DNAH12: variants seen among roughly 807,000 people sequenced by gnomAD.
The protein encoded by DNAH12 is axonemal beta dynein heavy chain 12.
Under a neutral mutation model 371.5 loss-of-function variants are expected in DNAH12, and 285 were observed. The ratio of observed to expected loss-of-function variants is 0.77; its 90% CI spans 0.70 to 0.85. DNAH12 has a LOEUF of 0.85. DNAH12 is among the 40% of genes least tolerant of loss of function. The pLI is 0.00. For missense variants in DNAH12, 3,611 were observed against 3,689.4 expected (o/e 0.98, Z 0.55); for synonymous variants, 1,200 against 1,213.0 (o/e 0.99, Z 0.22).
chr3:57,412,713 G>T (rs528729437), intron 39 of DNAH12, among the ~76,000 whole-genome samples: 2 of 152,114 alleles, frequency 1.3e-5, no homozygotes, highest in African/African-American at 4.8e-5. Flanking sequence ...TGTCATCAGG[G>T]AAATGCAAAT....
chr3:57,295,779 G>A (rs2061221062), intron 72 of DNAH12, among the ~76,000 whole-genome samples, 187 bp from the exon 73 acceptor site: 1 of 152,164 alleles, frequency 6.6e-6, no homozygotes, highest in African/African-American at 2.4e-5. Flanking sequence ...ATGATGGAAA[G>A]GCAAAGGGTA....
At chr3:57,509,624 A>G (rs6445903) in intron 5 of DNAH12, among the ~76,000 whole-genome samples, 134,964 of 151,946 alleles carry the variant, frequency 0.89, 60,491 homozygotes, top group African/African-American at 0.96. Context: ...CACTTTGAGA[A>G]GCCAAGGAGG....
intron 16 of DNAH12, 81 bp downstream of exon 16, chr3:57,470,362 T>TA (rs2066331094): frequency 7.5e-7 from 1 of 1,328,792 alleles, no homozygotes; most frequent in Non-Finnish European, 9.9e-7. Context: ...TTTAAACACT[T>TA]AACCAAAAAA....
intron 57 of DNAH12, among the ~76,000 whole-genome samples, chr3:57,365,862 C>CATATATATAT (rs1277920997): frequency 1.1e-4 from 16 of 147,946 alleles, no homozygotes; most frequent in Admixed American, 3.4e-4. Flanking sequence ...TGTGTGTACA[C>CATATATATAT]ATATATATAT....
intron 55 of DNAH12, among the ~76,000 whole-genome samples, chr3:57,374,994 T>A (rs1449315987): frequency 1.3e-5 from 2 of 152,156 alleles, no homozygotes; most frequent in Admixed American, 1.3e-4. Flanking sequence ...AGATTTGGGT[T>A]ACACCAGTGT....
chr3:57,472,807 T>C (rs899521132), intron 13 of DNAH12, 136 bp from the exon 14 acceptor site: 1 of 915,018 alleles, frequency 1.1e-6, no homozygotes, highest in South Asian at 1.6e-5. Flanking sequence ...ATTTTATATA[T>C]CACCCAAACC....
Position 57,322,375 on chromosome 3 carries a change from C to G in DNAH12, c.10492G>C (p.Glu3498Gln). Reference sequence around the variant, plus strand: ...TTTCCACGGCATCCCTTGAAAAACTCAGGATCAGAAACTGGATCAGTGAGA... The same window carrying G: ...TTTCCACGGCATCCCTTGAAAAACTGAGGATCAGAAACTGGATCAGTGAGA... ...SYLTDPVSDPEFFKGCRGKEL... is the reference protein window; with the variant it reads ...SYLTDPVSDPQFFKGCRGKEL... The change falls in exon 65 of 74, where the codon GAG becomes CAG. Residue 3498 changes from glutamate (E) to glutamine (Q), a missense_variant. Coordinates refer to ENST00000495027, the MANE Select transcript of DNAH12 (RefSeq NM_001366028.2). The G allele has an allele frequency of 6.4e-7, 1 of 1,551,610 alleles. No individual in the cohort carries two copies. The highest frequency in any genetic ancestry group is 8.7e-7 in the Non-Finnish European group (1 of 1,146,926).
At chr3:57,302,037 G>T in intron 69 of DNAH12, 98 bp from the exon 70 acceptor site, 1 of 1,333,746 alleles carries the variant, frequency 7.5e-7, no homozygotes, top group Non-Finnish European at 1.0e-6. Context: ...CAGCTTTATG[G>T]GATTGCTTCC....
At chr3:57,537,045 T>G (rs1324032139) in intron 2 of DNAH12, among the ~76,000 whole-genome samples, 1 of 106,730 alleles carries the variant, frequency 9.4e-6, no homozygotes, top group Non-Finnish European at 2.2e-5. Flanking sequence ...AATACAAAAA[T>G]TAGCCAGGTG....
intron 66 of DNAH12, 85 bp from the exon 67 acceptor site, chr3:57,311,035 A>G: frequency 1.0e-6 from 1 of 953,458 alleles, no homozygotes; most frequent in Non-Finnish European, 1.6e-6. Context: ...TCTATCTAGA[A>G]AGGGGGTTGA....
chr3:57,380,544 G>A (rs934528657), intron 50 of DNAH12, among the ~76,000 whole-genome samples, 177 bp from the exon 51 acceptor site: 1 of 152,188 alleles, frequency 6.6e-6, no homozygotes, highest in Admixed American at 6.5e-5. Context: ...TGCAATATCG[G>A]CTCACTGCCT....
At chr3:57,500,545 T>A (rs748367038) in intron 11 of DNAH12, among the ~76,000 whole-genome samples, 10 of 152,160 alleles carry the variant, frequency 6.6e-5, no homozygotes, top group Non-Finnish European at 1.2e-4. Context: ...TCATTTATAT[T>A]CTCTGAACAC....
intron 60 of DNAH12, among the ~76,000 whole-genome samples, chr3:57,342,013 G>C (rs1317003180): frequency 4.6e-5 from 7 of 152,080 alleles, no homozygotes; most frequent in African/African-American, 1.7e-4. Context: ...CATTGATTGG[G>C]GAAGGACAGT....
At chr3:57,379,652 C>T (rs1358334321) in intron 51 of DNAH12, among the ~76,000 whole-genome samples, 4 of 151,714 alleles carry the variant, frequency 2.6e-5, no homozygotes, top group African/African-American at 4.8e-5. Context: ...GACAGCCTGG[C>T]CAATATGGTA....
chr3:57,435,373 C>CAAAAAAAAAAAAAAAAAAAAAAAAAAA (rs34515598), intron 30 of DNAH12, among the ~76,000 whole-genome samples: 2 of 94,742 alleles, frequency 2.1e-5, no homozygotes, highest in Admixed American at 1.4e-4. Flanking sequence ...CTCTGTCTCC[C>CAAAAAAAAAAAAAAAAAAAAAAAAAAA]AAAAAAAAAA....
At chr3:57,472,813 A>ATCTGGTTTGGGTGAT in intron 13 of DNAH12, 142 bp from the exon 14 acceptor site, 1 of 835,094 alleles carries the variant, frequency 1.2e-6, no homozygotes, top group Non-Finnish European at 1.9e-6. Context: ...TATATCACCC[A>ATCTGGTTTGGGTGAT]AACCAGATGG....
the DNAH12 span, among the ~76,000 whole-genome samples, chr3:57,549,479 T>C: frequency 6.6e-6 from 1 of 152,096 alleles, no homozygotes; most frequent in African/African-American, 2.4e-5. Context: ...ATCATGCCAC[T>C]GCACTCCAGC....
chr3:57,360,797 C>CTTT (rs1194015902), intron 58 of DNAH12, among the ~76,000 whole-genome samples: 2 of 152,096 alleles, frequency 1.3e-5, no homozygotes, highest in African/African-American at 4.8e-5. Context: ...GTTTAGCTTT[C>CTTT]TTTTTATTTT....
chr3:57,488,087 T>C (rs954949305), intron 12 of DNAH12, among the ~76,000 whole-genome samples: 1 of 152,204 alleles, frequency 6.6e-6, no homozygotes, highest in South Asian at 2.1e-4. Flanking sequence ...AAGATATTTA[T>C]TGGGCTCCTA....
Sources: gnomAD v4.1 joint callset for allele counts (sites outside exome capture counted in the v4.1 genomes callset) on GRCh38, gnomAD v4.1.1 for gene constraint, MANE v1.5 for transcripts, NCBI Gene and HGNC (gene_info 2026-07-23, HGNC 2026-07-21) for gene names.